Variants in NEGR1 observed in about 807,000 individuals in gnomAD.
NEGR1 encodes the protein neuronal growth regulator 1.
Under a neutral mutation model 40.9 loss-of-function variants are expected in NEGR1, and 10 were observed. The observed-to-expected ratio is 0.24, with a 90% confidence interval of 0.15 to 0.42. The LOEUF (loss-of-function observed/expected upper bound fraction) is 0.42, where lower values mean the gene tolerates loss of function less well. Among genes scored for constraint, NEGR1 ranks in the 10% least tolerant of loss-of-function variants. The pLI is 1.00. For missense variants in NEGR1, 352 were observed against 438.9 expected, an observed-to-expected ratio of 0.80 and a Z score of 1.77; for synonymous variants, 185 against 166.8, an observed-to-expected ratio of 1.11 and a Z score of -0.84.
At chr1:71,669,015 TA>T in intron 4 of NEGR1, among the ~76,000 whole-genome samples, 1 of 152,334 alleles carries the variant, frequency 6.6e-6, no homozygotes, top group Admixed American at 6.5e-5. Flanking sequence ...TGGATTTGCC[TA>T]TATCTCCTTT....
At chr1:71,723,363 G>A (rs1242520041) in intron 3 of NEGR1, among the ~76,000 whole-genome samples, 2 of 152,070 alleles carry the variant, frequency 1.3e-5, no homozygotes, top group Non-Finnish European at 2.9e-5. Context: ...ATTCAGGTTG[G>A]GGGCTGCTCA....
At chr1:72,091,667 A>G (rs577065683) in intron 1 of NEGR1, among the ~76,000 whole-genome samples, 1 of 152,174 alleles carries the variant, frequency 6.6e-6, no homozygotes, top group East Asian at 1.9e-4. Context: ...GACTCCAGAA[A>G]CTTTACAGAG....
At chr1:71,865,532 C>A (rs896126186) in intron 2 of NEGR1, among the ~76,000 whole-genome samples, 15 of 151,882 alleles carry the variant, frequency 9.9e-5, no homozygotes, top group African/African-American at 3.4e-4. Flanking sequence ...GGGAGCTGAA[C>A]AATGTGGGAG....
intron 2 of NEGR1, among the ~76,000 whole-genome samples, chr1:71,900,749 T>C (rs1661121596): frequency 6.6e-6 from 1 of 152,204 alleles, no homozygotes; most frequent in Non-Finnish European, 1.5e-5. Context: ...GTTTGCTTAA[T>C]TCATTTTTAA....
chr1:72,062,382 C>T (rs573483761), intron 1 of NEGR1, among the ~76,000 whole-genome samples: 3 of 152,000 alleles, frequency 2.0e-5, no homozygotes, highest in South Asian at 2.1e-4. Context: ...AGGGTGCCTA[C>T]CACACACAAT....
intron 1 of NEGR1, among the ~76,000 whole-genome samples, chr1:72,228,103 G>A (rs34940719): frequency 0.14 from 21,101 of 152,112 alleles, 1,778 homozygotes; most frequent in Non-Finnish European, 0.19. Context: ...GCCTCCCGCT[G>A]AGCCTCCATG....
At chr1:71,733,794 A>G (rs1239424113) in intron 3 of NEGR1, among the ~76,000 whole-genome samples, 1 of 152,212 alleles carries the variant, frequency 6.6e-6, no homozygotes, top group African/African-American at 2.4e-5. Context: ...GTGCAGAATT[A>G]TATATGTCAT....
At chr1:72,127,294 C>A (rs207460193) in intron 1 of NEGR1, among the ~76,000 whole-genome samples, 1 of 151,638 alleles carries the variant, frequency 6.6e-6, no homozygotes, top group African/African-American at 2.4e-5. Flanking sequence ...GAAACCCTGT[C>A]TCTACTAAAA....
At chr1:71,836,075 A>C (rs190496228) in intron 2 of NEGR1, among the ~76,000 whole-genome samples, 1 of 152,192 alleles carries the variant, frequency 6.6e-6, no homozygotes, top group East Asian at 1.9e-4. Context: ...ATTATCTCAT[A>C]CTGCCTCTAC....
At chr1:71,983,149 T>G (rs564109705) in intron 1 of NEGR1, among the ~76,000 whole-genome samples, 9 of 152,180 alleles carry the variant, frequency 5.9e-5, no homozygotes, top group African/African-American at 2.2e-4. Context: ...TAGAGCACTT[T>G]GCAGTTGAAA....
chr1:71,570,644 C>CTTATTATTATTA (rs150984543), intron 6 of NEGR1, among the ~76,000 whole-genome samples: 168 of 148,188 alleles, frequency 1.1e-3, no homozygotes, highest in South Asian at 2.3e-3. Flanking sequence ...ATACTGGGTC[C>CTTATTATTATTA]TTATTATTAT....
At chr1:71,832,835 C>T (rs918784161) in intron 2 of NEGR1, among the ~76,000 whole-genome samples, 1 of 151,944 alleles carries the variant, frequency 6.6e-6, no homozygotes, top group Non-Finnish European at 1.5e-5. Context: ...AACAGGGAAG[C>T]CTGTTTTATA....
chr1:72,044,532 C>T (rs1377800989), intron 1 of NEGR1, among the ~76,000 whole-genome samples: 2 of 151,648 alleles, frequency 1.3e-5, no homozygotes, highest in African/African-American at 4.8e-5. Context: ...TCATATATAT[C>T]CAGATTTTAT....
chr1:71,983,058 T>A (rs1458983873), intron 1 of NEGR1, among the ~76,000 whole-genome samples: 1 of 152,124 alleles, frequency 6.6e-6, no homozygotes, highest in Non-Finnish European at 1.5e-5. Context: ...ACATTTAAAA[T>A]AATAAATGTT....
chr1:72,063,087 G>GAA (rs201087741), intron 1 of NEGR1, among the ~76,000 whole-genome samples: 6 of 151,174 alleles, frequency 4.0e-5, no homozygotes, highest in African/African-American at 1.5e-4. Context: ...TATTTATTTT[G>GAA]AAAAAAAATC....
chr1:71,764,581 C>A (rs1170652382), intron 3 of NEGR1, among the ~76,000 whole-genome samples: 1 of 152,146 alleles, frequency 6.6e-6, no homozygotes, highest in Non-Finnish European at 1.5e-5. Flanking sequence ...AGGCATTTGG[C>A]CCAGGAACTG....
At chr1:71,990,271 G>C (rs2100356393) in intron 1 of NEGR1, among the ~76,000 whole-genome samples, 1 of 152,232 alleles carries the variant, frequency 6.6e-6, no homozygotes, top group African/African-American at 2.4e-5. Flanking sequence ...AACGCTTCAA[G>C]TTTGCTGAAG....
chr1:71,729,034 T>G (rs907617958), intron 3 of NEGR1, among the ~76,000 whole-genome samples: 3 of 152,132 alleles, frequency 2.0e-5, no homozygotes, highest in African/African-American at 7.2e-5. Flanking sequence ...AAAACTTTTT[T>G]GTGATCTGGC....
chr1:72,274,061 T>G (rs566005788), intron 1 of NEGR1, among the ~76,000 whole-genome samples: 1 of 151,668 alleles, frequency 6.6e-6, no homozygotes, highest in East Asian at 1.9e-4. Context: ...TTTGGAGCCA[T>G]TTTGAGACAG....
Sources: gnomAD v4.1 joint callset for allele counts (sites outside exome capture counted in the v4.1 genomes callset) on GRCh38, gnomAD v4.1.1 for gene constraint, MANE v1.5 for transcripts, NCBI Gene and HGNC (gene_info 2026-07-23, HGNC 2026-07-21) for gene names.